Variants in PID1 observed in about 807,000 individuals in gnomAD.
PID1 encodes PTB-containing, cubilin and LRP1-interacting protein.
A neutral mutation model predicts 19.1 loss-of-function variants in PID1; 10 were observed. The observed-to-expected ratio is 0.52, with a 90% CI of 0.32 to 0.89. The LOEUF is 0.89. PID1 is among the 40% of genes least tolerant of loss of function. The pLI is 0.03. For synonymous variants in PID1, 130 were observed against 116.0 expected (o/e 1.12, Z -0.78); for missense variants, 248 against 285.3 (o/e 0.87, Z 0.94).
chr2:229,075,109 A>G (rs1198153204), intron 2 of PID1, among the ~76,000 whole-genome samples: 3 of 152,250 alleles, frequency 2.0e-5, no homozygotes, highest in South Asian at 2.1e-4. Context: ...GCATTAGTTT[A>G]CAGTTGGGCA....
intron 2 of PID1, among the ~76,000 whole-genome samples, chr2:229,038,848 A>C (rs1329183688): frequency 6.6e-6 from 1 of 152,160 alleles, no homozygotes; most frequent in Non-Finnish European, 1.5e-5. Flanking sequence ...GTTAATGACC[A>C]CATCTTCTGC....
At chr2:229,158,324 G>A (rs1415396232) in intron 1 of PID1, among the ~76,000 whole-genome samples, 1 of 152,146 alleles carries the variant, frequency 6.6e-6, no homozygotes, top group Non-Finnish European at 1.5e-5. Context: ...GAGTTGTGTA[G>A]CCAGTTTGCA....
chr2:229,066,708 A>G (rs1694334191), intron 2 of PID1, among the ~76,000 whole-genome samples: 1 of 151,892 alleles, frequency 6.6e-6, no homozygotes, highest in South Asian at 2.1e-4. Context: ...TTGAGGACAT[A>G]GCATACGCGT....
At position 229,156,620 on chromosome 2, in the gene PID1, T is replaced by C. The variant is rs141782327; in HGVS notation, c.31-656A>G. On this transcript the variant is annotated intron_variant, in intron 1 of 2. Transcript: ENST00000392055. ...CTAAGACCCCTCTTTCCTTGGTCTA[T>C]GATAATGACATCCAACCTGGTCCCA... Among the ~76,000 whole-genome samples, 519 of 152,318 alleles carry C rather than the reference T, an allele frequency of 3.4e-3. 3 individuals carry two copies. The highest frequency in any genetic ancestry group is 0.012 in the African/African-American group (503 of 41,562).
chr2:229,251,944 T>TAAAAAAAAAAAAAAAAAAAAAACAAAAAA (rs11284650), intron 1 of PID1, among the ~76,000 whole-genome samples: 1 of 71,474 alleles, frequency 1.4e-5, no homozygotes, highest in Non-Finnish European at 2.9e-5. Flanking sequence ...AACCATAAGC[T>TAAAAAAAAAAAAAAAAAAAAAACAAAAAA]AAAAAAAAAA....
intron 1 of PID1, among the ~76,000 whole-genome samples, chr2:229,167,980 A>G (rs1455336165): frequency 2.0e-5 from 3 of 152,202 alleles, no homozygotes; most frequent in Non-Finnish European, 4.4e-5. Context: ...TCATGCAGCT[A>G]CTATTCCAGT....
At chr2:229,070,870 C>G (rs1353827995) in intron 2 of PID1, among the ~76,000 whole-genome samples, 1 of 152,158 alleles carries the variant, frequency 6.6e-6, no homozygotes, top group Non-Finnish European at 1.5e-5. Context: ...GGATAGAAGA[C>G]TTAAAAGTTA....
Position 229,269,950 on chromosome 2 carries a change from C to T in PID1, c.30+1064G>A, listed in dbSNP as rs1342048583. On this transcript the variant is annotated intron_variant, in intron 1 of 2. Transcript: ENST00000392055. ...AATGCAATGCCCTCTGCGGGTTGTT[C>T]CTCTGTATGAGGACTCCTAGACAAA... Among the ~76,000 whole-genome samples, 3 of 152,148 alleles carry T rather than the reference C, an allele frequency of 2.0e-5. No homozygotes were observed. In the East Asian group the frequency reaches 5.8e-4, roughly 29 times the overall value.
chr2:229,248,725 G>A (rs1019739297), intron 1 of PID1, among the ~76,000 whole-genome samples: 1 of 151,880 alleles, frequency 6.6e-6, no homozygotes, highest in African/African-American at 2.4e-5. Flanking sequence ...TTATTCCTTT[G>A]TTTAAATCAG....
intron 1 of PID1, among the ~76,000 whole-genome samples, chr2:229,197,904 A>C (rs1691410906): frequency 6.6e-6 from 1 of 152,042 alleles, no homozygotes. Flanking sequence ...GCATTCATCA[A>C]AGACAATGCT....
intron 1 of PID1, among the ~76,000 whole-genome samples, chr2:229,206,683 G>T (rs1363409504): frequency 6.6e-6 from 1 of 152,172 alleles, no homozygotes; most frequent in African/African-American, 2.4e-5. Context: ...TTTATTTTAT[G>T]TATTGGTACC....
intron 2 of PID1, among the ~76,000 whole-genome samples, chr2:229,060,653 CAT>C (rs1694193733): frequency 6.6e-6 from 1 of 152,072 alleles, no homozygotes; most frequent in Non-Finnish European, 1.5e-5. Context: ...ATTTCTGTAT[CAT>C]ATGGTCATTC....
intron 2 of PID1, among the ~76,000 whole-genome samples, chr2:229,083,186 A>T (rs1207342959): frequency 6.6e-6 from 1 of 152,132 alleles, no homozygotes; most frequent in Non-Finnish European, 1.5e-5. Flanking sequence ...GGCCCAACTG[A>T]ACACCTTATT....
intron 1 of PID1, among the ~76,000 whole-genome samples, chr2:229,261,630 A>G (rs1690462830): frequency 6.6e-6 from 1 of 152,246 alleles, no homozygotes; most frequent in Non-Finnish European, 1.5e-5. Flanking sequence ...ACAATTATGC[A>G]GCTCCTTTCC....
chr2:229,240,459 C>G (rs146870675), intron 1 of PID1, among the ~76,000 whole-genome samples: 178 of 152,246 alleles, frequency 1.2e-3, no homozygotes, highest in African/African-American at 3.9e-3. Context: ...TTTTCATGTC[C>G]ATGGTGTATC....
At chr2:229,133,880 C>G (rs1414630973) in intron 2 of PID1, among the ~76,000 whole-genome samples, 1 of 151,762 alleles carries the variant, frequency 6.6e-6, no homozygotes, top group African/African-American at 2.4e-5. Context: ...TGTGTTGCAC[C>G]CACTAACTCA....
intron 2 of PID1, among the ~76,000 whole-genome samples, chr2:229,094,438 A>G (rs1339343012): frequency 6.6e-6 from 1 of 152,164 alleles, no homozygotes; most frequent in Non-Finnish European, 1.5e-5. Context: ...TAGGAAAAAA[A>G]TCCTAAAATT....
intron 1 of PID1, among the ~76,000 whole-genome samples, chr2:229,207,232 G>A (rs1382742366): frequency 6.6e-6 from 1 of 151,916 alleles, no homozygotes; most frequent in East Asian, 1.9e-4. Flanking sequence ...GCATAACATT[G>A]GTGTAGGGGC....
intron 2 of PID1, among the ~76,000 whole-genome samples, chr2:229,082,475 G>A (rs1694686930): frequency 6.6e-6 from 1 of 152,184 alleles, no homozygotes; most frequent in African/African-American, 2.4e-5. Context: ...AAGAAAAGGA[G>A]ATGACGCAAG....
Sources: gnomAD v4.1 joint callset for allele counts (sites outside exome capture counted in the v4.1 genomes callset) on GRCh38, gnomAD v4.1.1 for gene constraint, MANE v1.5 for transcripts, NCBI Gene and HGNC (gene_info 2026-07-23, HGNC 2026-07-21) for gene names.